Variants in HERC3 observed in about 807,000 individuals in gnomAD.
HERC3 encodes the protein probable E3 ubiquitin-protein ligase HERC3.
In HERC3, 58 loss-of-function variants were observed where a neutral mutation model predicts 129.9. That is an observed-to-expected ratio of 0.45 (90% CI 0.36 to 0.56). The LOEUF (loss-of-function observed/expected upper bound fraction) is 0.56. Ranked by LOEUF, HERC3 falls within the 20% of genes least tolerant of loss-of-function variation. HERC3 has a pLI of 0.00. For missense variants in HERC3, 835 were observed against 1,244.2 expected (o/e 0.67, Z 4.95); for synonymous variants, 430 against 451.0 (o/e 0.95, Z 0.59).
At chr4:88,547,635 T>A in the HERC3 span, among the ~76,000 whole-genome samples, 1 of 152,214 alleles carries the variant, frequency 6.6e-6, no homozygotes, top group South Asian at 2.1e-4. Flanking sequence ...GCCACTGGCT[T>A]CTTTCATTTA....
At chr4:88,705,698 G>A (rs536016042) in intron 25 of HERC3, among the ~76,000 whole-genome samples, 3 of 152,324 alleles carry the variant, frequency 2.0e-5, no homozygotes, top group Admixed American at 1.3e-4. Flanking sequence ...GTGTCTGTGT[G>A]TAATCAGCGT....
Position 88,615,061 on chromosome 4 carries a change from A to T in HERC3, c.226+9012A>T, listed in dbSNP as rs922171195. ...GGTTCACATTTATCTTAAGTTTGTG[A>T]GCTTGTTGGAGGAGCGAATTGTAAC... On this transcript the variant is annotated intron_variant, in intron 3 of 25. Transcript: ENST00000402738. Among the ~76,000 whole-genome samples, 5 of 152,176 alleles carry T rather than the reference A, an allele frequency of 3.3e-5. No individual in the cohort carries two copies. The South Asian group carries it at 1.0e-3, about 32-fold the overall frequency.
At chr4:88,533,540 G>T in the HERC3 span, among the ~76,000 whole-genome samples, 169 of 152,302 alleles carry the variant, frequency 1.1e-3, no homozygotes, top group Admixed American at 2.5e-3. Flanking sequence ...ACTATCCCCT[G>T]CCCTTTCTCA....
At chr4:88,600,831 T>C (rs1019504327) in intron 2 of HERC3, among the ~76,000 whole-genome samples, 8 of 152,206 alleles carry the variant, frequency 5.3e-5, no homozygotes, top group African/African-American at 1.7e-4. Context: ...TTTTTTTCTC[T>C]GTAAGGCACA....
chr4:88,624,683 C>A (rs904966727), intron 3 of HERC3, among the ~76,000 whole-genome samples: 8 of 152,106 alleles, frequency 5.3e-5, no homozygotes, highest in African/African-American at 1.9e-4. Context: ...CTTAACAGTG[C>A]GTTTTGAAGA....
At chr4:88,688,003 G>C (rs367912362) in intron 23 of HERC3, among the ~76,000 whole-genome samples, 1 of 152,202 alleles carries the variant, frequency 6.6e-6, no homozygotes, top group Admixed American at 6.5e-5. Flanking sequence ...ATAGTGCTGG[G>C]TATAGAGGGT....
chr4:88,595,841 CTTTTTTTTTTTTTTT>C (rs532515500), intron 2 of HERC3, among the ~76,000 whole-genome samples: 4 of 80,250 alleles, frequency 5.0e-5, no homozygotes, highest in African/African-American at 1.5e-4. Flanking sequence ...GCACTTAATT[CTTTTTTTTTTTTTTT>C]TTTTTTTTTT....
the HERC3 span, among the ~76,000 whole-genome samples, chr4:88,551,139 A>G: frequency 3.3e-5 from 5 of 151,842 alleles, no homozygotes; most frequent in African/African-American, 7.3e-5. Context: ...TTAATTCAAG[A>G]TGGATTAAAG....
the HERC3 span, among the ~76,000 whole-genome samples, chr4:88,546,098 G>A: frequency 8.5e-5 from 13 of 152,158 alleles, no homozygotes; most frequent in African/African-American, 3.1e-4. Context: ...CTATTAGGTT[G>A]AATTACTTGA....
At position 88,604,102 on chromosome 4, in the gene HERC3, C is replaced by T. The variant is rs1229166354; in HGVS notation, c.-29-1693C>T. On this transcript the variant is annotated intron_variant, in intron 2 of 25. Transcript: ENST00000402738. ...ATGGCGTGACCTCAGCTCACTGCAA[C>T]CTCTGCCTCCCGGATTCAAGCGATT... 2.6e-5 allele frequency among the ~76,000 whole-genome samples: 4 copies of T among 151,924 alleles called. No homozygotes were observed. The East Asian group carries it at 7.7e-4, about 29-fold the overall frequency.
chr4:88,560,010 A>G, the HERC3 span, among the ~76,000 whole-genome samples: 1 of 141,710 alleles, frequency 7.1e-6, no homozygotes, highest in Non-Finnish European at 1.5e-5. Flanking sequence ...CCCAGGCTGG[A>G]GTGCAATGGT....
At chr4:88,649,658 C>T (rs766807197) in intron 3 of HERC3, among the ~76,000 whole-genome samples, 182 bp from the exon 4 acceptor site, 2 of 151,890 alleles carry the variant, frequency 1.3e-5, no homozygotes, top group African/African-American at 2.4e-5. Flanking sequence ...TGTGTTACCC[C>T]GGGTCTCCGA....
chr4:88,561,958 T>G, the HERC3 span, among the ~76,000 whole-genome samples: 61,290 of 151,968 alleles, frequency 0.4, 14,743 homozygotes, highest in African/African-American at 0.68. Context: ...ATAAACATGA[T>G]AGTACAGATA....
At chr4:88,574,613 T>C in the HERC3 span, among the ~76,000 whole-genome samples, 3 of 152,208 alleles carry the variant, frequency 2.0e-5, no homozygotes, top group African/African-American at 7.2e-5. Flanking sequence ...CTGACAATCA[T>C]TCTGCTGTCT....
intron 3 of HERC3, among the ~76,000 whole-genome samples, chr4:88,630,113 A>G (rs1317384930): frequency 6.6e-6 from 1 of 152,158 alleles, no homozygotes; most frequent in Non-Finnish European, 1.5e-5. Flanking sequence ...TCTTCTGTTT[A>G]TGTTAGTGGA....
At chr4:88,683,675 G>C (rs1333720060) in intron 21 of HERC3, among the ~76,000 whole-genome samples, 1 of 152,210 alleles carries the variant, frequency 6.6e-6, no homozygotes, top group East Asian at 1.9e-4. Flanking sequence ...CTAGTTATAA[G>C]AATGTATTCT....
chr4:88,539,353 C>T, the HERC3 span, among the ~76,000 whole-genome samples: 1 of 152,172 alleles, frequency 6.6e-6, no homozygotes, highest in African/African-American at 2.4e-5. Context: ...TGCGAGGCTG[C>T]AGCCTCGGGG....
chr4:88,541,302 A>G, the HERC3 span, among the ~76,000 whole-genome samples: 1 of 152,218 alleles, frequency 6.6e-6, no homozygotes, highest in Non-Finnish European at 1.5e-5. Flanking sequence ...CTAGTCTCGG[A>G]TAAAAGAGAC....
chr4:88,635,512 C>T (rs150741944), intron 3 of HERC3, among the ~76,000 whole-genome samples: 44 of 151,878 alleles, frequency 2.9e-4, no homozygotes, highest in African/African-American at 9.2e-4. Context: ...GTAAAAAGAC[C>T]GAACCTAAGA....
Sources: gnomAD v4.1 joint callset for allele counts (sites outside exome capture counted in the v4.1 genomes callset) on GRCh38, gnomAD v4.1.1 for gene constraint, MANE v1.5 for transcripts, NCBI Gene and HGNC (gene_info 2026-07-23, HGNC 2026-07-21) for gene names.